The following CEP89 variants were observed in gnomAD, a reference collection of about 807,000 sequenced individuals.
The protein encoded by CEP89 is centrosomal protein of 89 kDa.
In CEP89, 95 loss-of-function variants were observed where a neutral mutation model predicts 97.6. The observed-to-expected ratio is 0.97, with a 90% CI of 0.82 to 1.15. The LOEUF (loss-of-function observed/expected upper bound fraction) is 1.15, where lower values mean the gene tolerates loss of function less well. Among genes scored for constraint, CEP89 ranks in the 50% most tolerant of loss-of-function variants. The pLI is 0.00. For synonymous variants in CEP89, 354 were observed against 349.1 expected, an observed-to-expected ratio of 1.01 and a Z score of -0.16; for missense variants, 869 against 947.7, an observed-to-expected ratio of 0.92 and a Z score of 1.09.
intron 9 of CEP89, 51 bp downstream of exon 9, chr19:32,931,378 A>G (rs1223683338): frequency 6.7e-7 from 1 of 1,488,822 alleles, no homozygotes; most frequent in Non-Finnish European, 9.0e-7. Flanking sequence ...TCAATTCAAC[A>G]GTAAAGGCTT....
At chr19:32,880,606 T>C (rs1399526844) in intron 18 of CEP89, among the ~76,000 whole-genome samples, 7 of 148,878 alleles carry the variant, frequency 4.7e-5, no homozygotes, top group African/African-American at 1.8e-4. Flanking sequence ...GCCACTGTAC[T>C]TTAGCCCAGG....
intron 18 of CEP89, 28 bp downstream of exon 18, chr19:32,881,816 G>T: frequency 6.4e-7 from 1 of 1,574,548 alleles, no homozygotes. Flanking sequence ...ACATCTCTGC[G>T]GGCCATGGCG....
chr19:32,961,187 G>A (rs10402550), intron 2 of CEP89, among the ~76,000 whole-genome samples: 57,933 of 151,722 alleles, frequency 0.38, 11,284 homozygotes, highest in Admixed American at 0.49. Context: ...ACAAGATGCC[G>A]GGTGCAGCAC....
At chr19:32,900,903 T>TTTTTTTTTTA (rs1599722239) in intron 15 of CEP89, among the ~76,000 whole-genome samples, 3 of 148,690 alleles carry the variant, frequency 2.0e-5, no homozygotes, top group African/African-American at 7.4e-5. Flanking sequence ...TTTTTTTTTT[T>TTTTTTTTTTA]GAGACAGGGT....
At chr19:32,920,515 G>A (rs561955519) in intron 12 of CEP89, among the ~76,000 whole-genome samples, 24 of 151,802 alleles carry the variant, frequency 1.6e-4, no homozygotes, top group South Asian at 1.5e-3. Flanking sequence ...ACATGGTCTC[G>A]CTCTGTTGCC....
intron 17 of CEP89, among the ~76,000 whole-genome samples, chr19:32,886,723 TA>T (rs768788288): frequency 5.3e-5 from 8 of 151,190 alleles, no homozygotes; most frequent in Non-Finnish European, 7.4e-5. Flanking sequence ...CTTTTGGAAG[TA>T]AAAAGCAGGA....
intron 2 of CEP89, chr19:32,963,920 G>A (rs59371031): frequency 0.18 from 20,457 of 111,642 alleles, 1,471 homozygotes; most frequent in East Asian, 0.32. Context: ...ACACACACAC[G>A]CACTCACACG....
At position 32,927,607 on chromosome 19, in the gene CEP89, C is replaced by CT. The variant is rs113687259; in HGVS notation, c.1030-624dup. On this transcript the variant is annotated intron_variant, in intron 9 of 18. Transcript: ENST00000305768. Reference sequence around the variant, plus strand: ...ATTTAGCTGTCAAGTCTTTTATGTCCTTTTTTTTTCCTTCTGAGACAGGGT... The same window carrying CT: ...ATTTAGCTGTCAAGTCTTTTATGTCCTTTTTTTTTTCCTTCTGAGACAGGGT... Among the ~76,000 whole-genome samples the CT allele has an allele frequency of 1.5e-4, 23 of 151,080 alleles. 1 individual carries two copies. The highest frequency in any genetic ancestry group is 5.1e-4 in the African/African-American group (21 of 41,184).
chr19:32,911,617 A>G (rs2145901861), intron 14 of CEP89, among the ~76,000 whole-genome samples: 1 of 152,338 alleles, frequency 6.6e-6, no homozygotes, highest in East Asian at 1.9e-4. Context: ...GTACCACTGC[A>G]CTTCAGCCTG....
chr19:32,939,470 A>G (rs1333966744), intron 6 of CEP89, among the ~76,000 whole-genome samples: 1 of 152,030 alleles, frequency 6.6e-6, no homozygotes, highest in African/African-American at 2.4e-5. Context: ...TGAGCTCAGG[A>G]GTTTGAGACC....
intron 14 of CEP89, among the ~76,000 whole-genome samples, chr19:32,912,838 C>T (rs978342437): frequency 1.3e-5 from 2 of 151,144 alleles, no homozygotes; most frequent in Non-Finnish European, 2.9e-5. Flanking sequence ...GTCAGGAGAT[C>T]GAGACCATCC....
At chr19:32,946,110 T>G (rs1970792386) in intron 5 of CEP89, among the ~76,000 whole-genome samples, 1 of 152,146 alleles carries the variant, frequency 6.6e-6, no homozygotes, top group Admixed American at 6.5e-5. Context: ...ATTATTATTA[T>G]TTTTAGAGAC....
chr19:32,919,691 G>T (rs993140634), intron 12 of CEP89, among the ~76,000 whole-genome samples: 1 of 152,190 alleles, frequency 6.6e-6, no homozygotes, highest in Non-Finnish European at 1.5e-5. Context: ...TAGAGATAGG[G>T]TCTCACTCTG....
intron 4 of CEP89, among the ~76,000 whole-genome samples, chr19:32,951,532 TATACAC>T (rs1167177044): frequency 4.2e-4 from 47 of 112,406 alleles, no homozygotes; most frequent in East Asian, 1.3e-3. Flanking sequence ...TATATATATA[TATACAC>T]ACACACACAC....
intron 12 of CEP89, among the ~76,000 whole-genome samples, chr19:32,918,676 A>C (rs1202728509): frequency 1.3e-5 from 2 of 152,152 alleles, no homozygotes; most frequent in African/African-American, 4.8e-5. Flanking sequence ...TCATCTGTAT[A>C]AACCTCTAGT....
chr19:32,919,102 G>C (rs188941367), intron 12 of CEP89, among the ~76,000 whole-genome samples: 1 of 152,006 alleles, frequency 6.6e-6, no homozygotes, highest in South Asian at 2.1e-4. Context: ...AGCCAGGATG[G>C]TCTCGATCTC....
At chr19:32,925,243 C>T (rs1970329658) in intron 11 of CEP89, among the ~76,000 whole-genome samples, 1 of 129,002 alleles carries the variant, frequency 7.8e-6, no homozygotes, top group South Asian at 2.6e-4. Context: ...GCAGGAGGCA[C>T]AGGAGGCATC....
intron 14 of CEP89, among the ~76,000 whole-genome samples, chr19:32,904,917 TC>T (rs2145893581): frequency 6.6e-6 from 1 of 152,322 alleles, no homozygotes; most frequent in East Asian, 1.9e-4. Context: ...CACATTTTTT[TC>T]CTACAAAGAA....
At position 32,915,300 on chromosome 19, in the gene CEP89, G is replaced by GAAAAAAA. The variant is rs372853413; in HGVS notation, c.1565+30_1565+36dup. ...ATAGCAAGACCCTGTCTCGAAAAAAGAAAAAAAAAAAAAAAGAAAAAACAT... is the reference window on the plus strand; with the variant it reads ...ATAGCAAGACCCTGTCTCGAAAAAAGAAAAAAAAAAAAAAAAAAAAAAGAAAAAACAT... On this transcript the variant is annotated intron_variant, in intron 14 of 18. Coordinates refer to ENST00000305768, the MANE Select transcript of CEP89 (RefSeq NM_032816.5). 5 of 1,227,312 alleles carry GAAAAAAA rather than the reference G, an allele frequency of 4.1e-6. No individual in the cohort carries two copies. In the African/African-American group the frequency reaches 6.8e-5, roughly 17 times the overall value. The allele number at this position is 1,227,312 out of a possible 1,614,324, so 76.0% of individuals were successfully genotyped here.
Sources: gnomAD v4.1 joint callset for allele counts (sites outside exome capture counted in the v4.1 genomes callset) on GRCh38, gnomAD v4.1.1 for gene constraint, MANE v1.5 for transcripts, NCBI Gene and HGNC (gene_info 2026-07-23, HGNC 2026-07-21) for gene names.